Variants in SPATA17 observed in about 807,000 individuals in gnomAD.
SPATA17 encodes spermatogenesis-associated protein 17.
Under a neutral mutation model 62.2 loss-of-function variants are expected in SPATA17, and 53 were observed. The ratio of observed to expected loss-of-function variants is 0.85; its 90% CI spans 0.68 to 1.07. The LOEUF (loss-of-function observed/expected upper bound fraction) is 1.07. SPATA17 is among the 50% of genes least tolerant of loss of function. The probability of loss-of-function intolerance (pLI) is 0.00; values close to 1 mark genes in which losing one functional copy is unlikely to be tolerated. For synonymous variants in SPATA17, 146 were observed against 146.8 expected, an observed-to-expected ratio of 0.99 and a Z score of 0.04; for missense variants, 466 against 425.5, an observed-to-expected ratio of 1.10 and a Z score of -0.84.
chr1:217,828,684 T>A (rs1675060676), intron 9 of SPATA17, among the ~76,000 whole-genome samples: 1 of 151,572 alleles, frequency 6.6e-6, no homozygotes, highest in African/African-American at 2.4e-5. Flanking sequence ...GGGAAAAAAA[T>A]TGCAAACCAC....
At chr1:217,682,711 C>G (rs1023462363) in intron 4 of SPATA17, among the ~76,000 whole-genome samples, 2 of 151,908 alleles carry the variant, frequency 1.3e-5, no homozygotes, top group Non-Finnish European at 2.9e-5. Context: ...AAGCAAGAAC[C>G]CTTACATAGT....
intron 2 of SPATA17, among the ~76,000 whole-genome samples, chr1:217,650,128 G>A (rs562180996): frequency 1.9e-4 from 29 of 151,736 alleles, no homozygotes; most frequent in Non-Finnish European, 3.1e-4. Flanking sequence ...TAGTAGAGGC[G>A]GGGTTTCTCC....
At chr1:217,866,101 C>A (rs1185000967) in intron 10 of SPATA17, among the ~76,000 whole-genome samples, 1 of 152,016 alleles carries the variant, frequency 6.6e-6, no homozygotes, top group Non-Finnish European at 1.5e-5. Flanking sequence ...GAAAAAAGTT[C>A]TATGAGGGGA....
intron 9 of SPATA17, among the ~76,000 whole-genome samples, chr1:217,822,646 AT>A (rs1674892953): frequency 6.7e-6 from 1 of 148,190 alleles, no homozygotes; most frequent in South Asian, 2.1e-4. Context: ...ATATATATAT[AT>A]AAAATAAATA....
At chr1:217,801,528 T>A (rs143103513) in intron 8 of SPATA17, among the ~76,000 whole-genome samples, 190 bp from the exon 9 acceptor site, 24 of 152,310 alleles carry the variant, frequency 1.6e-4, no homozygotes, top group African/African-American at 5.5e-4. Flanking sequence ...ATTTGCAGAA[T>A]AGAAAATAAA....
At chr1:217,721,410 G>C (rs1012942261) in intron 5 of SPATA17, among the ~76,000 whole-genome samples, 1 of 152,084 alleles carries the variant, frequency 6.6e-6, no homozygotes, top group Non-Finnish European at 1.5e-5. Context: ...CTTGTCCCTA[G>C]GAGTTCTGCT....
At chr1:217,721,621 GC>G (rs1416639479) in intron 5 of SPATA17, among the ~76,000 whole-genome samples, 1 of 151,998 alleles carries the variant, frequency 6.6e-6, no homozygotes, top group East Asian at 1.9e-4. Flanking sequence ...TTATATTTTT[GC>G]CATAGCCGTT....
intron 10 of SPATA17, among the ~76,000 whole-genome samples, chr1:217,864,921 T>C (rs939014583): frequency 2.6e-5 from 4 of 151,938 alleles, no homozygotes; most frequent in African/African-American, 9.7e-5. Flanking sequence ...TTAAAAAGAA[T>C]GTGCAATGCA....
intron 5 of SPATA17, among the ~76,000 whole-genome samples, chr1:217,728,340 C>G (rs903583303): frequency 2.6e-5 from 4 of 152,040 alleles, no homozygotes; most frequent in Admixed American, 2.6e-4. Context: ...TCAATTTTCA[C>G]AACAAATTTG....
intron 5 of SPATA17, among the ~76,000 whole-genome samples, chr1:217,698,075 C>T (rs1421482176): frequency 2.6e-5 from 4 of 152,208 alleles, no homozygotes; most frequent in African/African-American, 9.6e-5. Context: ...GAGGGCAGAT[C>T]ACCTGAGGTC....
intron 4 of SPATA17, among the ~76,000 whole-genome samples, chr1:217,673,426 A>T (rs1670873551): frequency 1.3e-5 from 2 of 152,170 alleles, no homozygotes; most frequent in Non-Finnish European, 2.9e-5. Context: ...TTTCTCTGTG[A>T]CACTTTATTT....
At chr1:217,775,849 GAACA>G (rs1172726879) in intron 7 of SPATA17, among the ~76,000 whole-genome samples, 2 of 151,786 alleles carry the variant, frequency 1.3e-5, no homozygotes, top group African/African-American at 4.8e-5. Context: ...CCAAAGAAGT[GAACA>G]AACACTTCTT....
At chr1:217,814,801 T>C (rs1674672864) in intron 9 of SPATA17, among the ~76,000 whole-genome samples, 1 of 152,076 alleles carries the variant, frequency 6.6e-6, no homozygotes, top group Non-Finnish European at 1.5e-5. Flanking sequence ...TGAGCTATGA[T>C]GGCACCATTG....
intron 9 of SPATA17, among the ~76,000 whole-genome samples, chr1:217,857,049 A>G (rs906558174): frequency 5.5e-4 from 83 of 152,196 alleles, no homozygotes; most frequent in Non-Finnish European, 1.5e-4. Flanking sequence ...AATCTTTGCC[A>G]TATTTTAAAG....
chr1:217,639,614 C>G (rs1670011874), intron 1 of SPATA17, among the ~76,000 whole-genome samples: 1 of 152,060 alleles, frequency 6.6e-6, no homozygotes, highest in Non-Finnish European at 1.5e-5. Flanking sequence ...ACAAATTAAT[C>G]TAGAAGAAGT....
Position 217,648,990 on chromosome 1 carries a change from G to A in SPATA17, c.158+19G>A. 6.6e-7 allele frequency: 1 copy of A among 1,512,400 alleles called. No individual in the cohort carries two copies. Among genetic ancestry groups the A allele is most frequent in the Non-Finnish European group, 9.1e-7 (1 of 1,102,782 alleles). The allele number at this position is 1,512,400 out of a possible 1,614,324, so 93.7% of individuals were successfully genotyped here. ...ATATCAGGTATATTGCTTTTGTCAT[G>A]GAAACCTCAGATATATCATAAAAAT... On this transcript the variant is annotated intron_variant, in intron 2 of 10. Transcript: ENST00000366933.
At chr1:217,809,578 TTATAATA>T (rs147283156) in intron 9 of SPATA17, among the ~76,000 whole-genome samples, 30,745 of 151,896 alleles carry the variant, frequency 0.2, 3,544 homozygotes, top group East Asian at 0.53. Flanking sequence ...CGCATTGGAT[TTATAATA>T]ACAAACCCTT....
chr1:217,721,054 T>C (rs1672115137), intron 5 of SPATA17, among the ~76,000 whole-genome samples: 1 of 152,214 alleles, frequency 6.6e-6, no homozygotes, highest in Non-Finnish European at 1.5e-5. Flanking sequence ...GACATATTTA[T>C]AGATAAGGCA....
At chr1:217,759,820 G>T (rs541024844) in intron 6 of SPATA17, among the ~76,000 whole-genome samples, 4 of 152,258 alleles carry the variant, frequency 2.6e-5, no homozygotes, top group African/African-American at 9.6e-5. Flanking sequence ...TAATTTGGCA[G>T]AAAATTATTT....
Sources: allele counts gnomAD v4.1 joint callset (sites outside exome capture counted in the v4.1 genomes callset), GRCh38; gene constraint gnomAD v4.1.1; transcripts MANE v1.5; gene names NCBI Gene and HGNC (gene_info 2026-07-23, HGNC 2026-07-21).